Variants in MTREX observed in about 807,000 individuals in gnomAD.
MTREX encodes the protein Mtr4 exosome RNA helicase, also known as exosome RNA helicase MTR4.
A neutral mutation model predicts 135.4 loss-of-function variants in MTREX; 76 were observed. The observed-to-expected ratio is 0.56, with a 90% CI of 0.47 to 0.68. The LOEUF (loss-of-function observed/expected upper bound fraction) is 0.68, where lower values mean the gene tolerates loss of function less well. MTREX is among the 30% of genes least tolerant of loss of function. The probability of loss-of-function intolerance (pLI) is 0.00; values close to 1 mark genes in which losing one functional copy is unlikely to be tolerated. For synonymous variants in MTREX, 404 were observed against 401.6 expected (o/e 1.01, Z -0.07); for missense variants, 920 against 1,262.1 (o/e 0.73, Z 4.11).
intron 8 of MTREX, among the ~76,000 whole-genome samples, chr5:55,344,000 A>G (rs1452816776): frequency 1.3e-5 from 2 of 152,036 alleles, no homozygotes; most frequent in Non-Finnish European, 2.9e-5. Context: ...ATTTTCCTTT[A>G]CACTGATGTT....
chr5:55,408,109 T>C (rs577566073), intron 22 of MTREX, among the ~76,000 whole-genome samples: 5 of 152,268 alleles, frequency 3.3e-5, no homozygotes, highest in African/African-American at 1.2e-4. Context: ...TGATTCCTTA[T>C]TGCTTTTAGA....
chr5:55,328,648 T>A (rs368959090), intron 4 of MTREX, 51 bp from the exon 5 acceptor site: 1 of 1,262,796 alleles, frequency 7.9e-7, no homozygotes, highest in Admixed American at 1.7e-5. Flanking sequence ...TTAAGTATGC[T>A]CTGATACAAC....
intron 10 of MTREX, among the ~76,000 whole-genome samples, chr5:55,346,422 GC>G (rs773439841): frequency 1.6e-4 from 25 of 152,110 alleles, no homozygotes; most frequent in Admixed American, 3.3e-4. Context: ...TATGTATTTT[GC>G]CCTGATTTCC....
At chr5:55,359,690 T>C (rs934683354) in intron 15 of MTREX, among the ~76,000 whole-genome samples, 1 of 152,162 alleles carries the variant, frequency 6.6e-6, no homozygotes, top group Non-Finnish European at 1.5e-5. Flanking sequence ...GGCTGAAAAT[T>C]TGTATTTTTA....
chr5:55,353,134 A>T (rs764056119), intron 13 of MTREX, 34 bp from the exon 14 acceptor site: 3 of 1,408,888 alleles, frequency 2.1e-6, no homozygotes, highest in African/African-American at 2.9e-5. Flanking sequence ...AGCTTAAAAT[A>T]CATGTTTAAT....
At chr5:55,372,703 T>C (rs7700955) in intron 16 of MTREX, among the ~76,000 whole-genome samples, 21,552 of 152,076 alleles carry the variant, frequency 0.14, 1,918 homozygotes, top group East Asian at 0.26. Context: ...GTAATAAAGT[T>C]GCACCCTTAC....
At chr5:55,385,776 ATAGCTAACATAG>A (rs1750468787) in intron 18 of MTREX, among the ~76,000 whole-genome samples, 1 of 152,200 alleles carries the variant, frequency 6.6e-6, no homozygotes, top group Non-Finnish European at 1.5e-5. Flanking sequence ...GAGAAAAATT[ATAGCTAACATAG>A]TTACAAGTAC....
intron 25 of MTREX, among the ~76,000 whole-genome samples, chr5:55,420,710 A>G (rs1408076259): frequency 6.6e-6 from 1 of 152,236 alleles, no homozygotes; most frequent in Admixed American, 6.5e-5. Flanking sequence ...CTGGAGGGAC[A>G]GGAAGACATG....
chr5:55,419,803 C>T (rs1751025838), intron 25 of MTREX, among the ~76,000 whole-genome samples: 1 of 152,068 alleles, frequency 6.6e-6, no homozygotes, highest in Non-Finnish European at 1.5e-5. Flanking sequence ...TTCAGTCCTG[C>T]TCCCTCTGTA....
chr5:55,316,717 C>G (rs1261234685), intron 1 of MTREX, among the ~76,000 whole-genome samples: 3 of 152,212 alleles, frequency 2.0e-5, no homozygotes, highest in Non-Finnish European at 4.4e-5. Context: ...CCCTTGAAAA[C>G]TGGCACAAGG....
chr5:55,356,993 C>A, intron 14 of MTREX: 1 of 156,472 alleles, frequency 6.4e-6, no homozygotes, highest in South Asian at 1.9e-4. Context: ...GCGTCATGCT[C>A]AGTGAAGGAA....
At chr5:55,385,432 G>A (rs1357617890) in intron 18 of MTREX, among the ~76,000 whole-genome samples, 1 of 152,084 alleles carries the variant, frequency 6.6e-6, no homozygotes, top group Non-Finnish European at 1.5e-5. Flanking sequence ...ACAGGTAGGT[G>A]GGAGGAGAAT....
chr5:55,328,648 T>G (rs368959090), intron 4 of MTREX, 51 bp from the exon 5 acceptor site: 2 of 1,262,796 alleles, frequency 1.6e-6, no homozygotes, highest in Non-Finnish European at 2.3e-6. Context: ...TTAAGTATGC[T>G]CTGATACAAC....
chr5:55,324,404 G>T, intron 3 of MTREX: 1 of 165,452 alleles, frequency 6.0e-6, no homozygotes, highest in Admixed American at 7.8e-5. Flanking sequence ...CTATAATCTT[G>T]GGTAAATTTC....
chr5:55,336,007 T>A (rs1015324252), intron 5 of MTREX, among the ~76,000 whole-genome samples: 3 of 152,192 alleles, frequency 2.0e-5, no homozygotes, highest in African/African-American at 7.2e-5. Flanking sequence ...CTGTTTATGC[T>A]ATTGTGAATC....
intron 22 of MTREX, among the ~76,000 whole-genome samples, chr5:55,408,953 ATTTATTTATTTATTTT>A (rs1368471438): frequency 9.8e-4 from 38 of 38,612 alleles, no homozygotes; most frequent in African/African-American, 2.4e-3. Context: ...TTATTTATTT[ATTTATTTATTTATTTT>A]GAGACAAGGT....
At chr5:55,417,558 C>T (rs1750985497) in intron 25 of MTREX, among the ~76,000 whole-genome samples, 1 of 152,158 alleles carries the variant, frequency 6.6e-6, no homozygotes. Flanking sequence ...AGGTCTTAAT[C>T]CTAGATGATG....
chr5:55,335,401 T>G (rs2112048692), intron 5 of MTREX, among the ~76,000 whole-genome samples: 1 of 152,186 alleles, frequency 6.6e-6, no homozygotes, highest in African/African-American at 2.4e-5. Flanking sequence ...AAATCACAAG[T>G]ATTTTCTTCT....
At chr5:55,380,360 A>G (rs1398240398) in intron 18 of MTREX, among the ~76,000 whole-genome samples, 1 of 152,200 alleles carries the variant, frequency 6.6e-6, no homozygotes, top group African/African-American at 2.4e-5. Flanking sequence ...ACCACAGTCA[A>G]TTGTAGAACA....
Sources: gnomAD v4.1 joint callset for allele counts (sites outside exome capture counted in the v4.1 genomes callset) on GRCh38, gnomAD v4.1.1 for gene constraint, MANE v1.5 for transcripts, NCBI Gene and HGNC (gene_info 2026-07-23, HGNC 2026-07-21) for gene names.